The following HERC2 variants were observed in gnomAD, a reference collection of about 807,000 sequenced individuals.
HERC2 encodes HECT and RLD domain containing E3 ubiquitin protein ligase 2.
In HERC2, 102 loss-of-function variants were observed where a neutral mutation model predicts 537.7. The ratio of observed to expected loss-of-function variants is 0.19; its 90% CI spans 0.16 to 0.22. The LOEUF is 0.22. Among genes scored for constraint, HERC2 ranks in the 10% least tolerant of loss-of-function variants. The pLI is 1.00. For synonymous variants in HERC2, 2,224 were observed against 2,466.2 expected, an observed-to-expected ratio of 0.90 and a Z score of 2.91; for missense variants, 4,236 against 6,198.2, an observed-to-expected ratio of 0.68 and a Z score of 10.63.
Position 28,265,620 on chromosome 15 carries a change from T to G in HERC2, c.1868A>C (p.Asn623Thr). 6.2e-7 allele frequency: 1 copy of G among 1,613,550 alleles called. No individual in the cohort carries two copies. Among genetic ancestry groups the G allele is most frequent in the Non-Finnish European group, 8.5e-7 (1 of 1,179,630 alleles). ...AGGGTGGCGAGAGCTCTACGTACCGTTCTCAGTGACAGCCAGGGTTTGAGC... is the reference window on the plus strand; with the variant it reads ...AGGGTGGCGAGAGCTCTACGTACCGGTCTCAGTGACAGCCAGGGTTTGAGC... ...GDAQTLAVTE[N>T]GQVWSWGDGD... The change falls in exon 14 of 93, where the codon AAC becomes ACC. Residue 623 changes from asparagine to threonine, a missense_variant and splice_region_variant. By Grantham distance (65) the Asn-to-Thr change is moderately conservative. This residue lies in a region of HERC2 where 754 missense variants were observed against 1,085.0 expected (regional missense o/e 0.69). Transcript: ENST00000261609. The surrounding 1 kb of genome is among the most constrained non-coding windows in gnomAD (Gnocchi z 4.0).
At chr15:28,222,647 G>C (rs950555304) in intron 35 of HERC2, among the ~76,000 whole-genome samples, 3 of 152,168 alleles carry the variant, frequency 2.0e-5, no homozygotes, top group African/African-American at 7.2e-5. Context: ...TACAACCTCA[G>C]ACAGGGTTGC....
chr15:28,182,966 T>G (rs1895964847), intron 56 of HERC2, among the ~76,000 whole-genome samples: 1 of 152,186 alleles, frequency 6.6e-6, no homozygotes, highest in Admixed American at 6.5e-5. Context: ...GCCAATTATT[T>G]TCCCACAGAA....
chr15:28,232,408 C>T (rs1412115334), intron 30 of HERC2, among the ~76,000 whole-genome samples: 1 of 151,930 alleles, frequency 6.6e-6, no homozygotes, highest in Non-Finnish European at 1.5e-5. Flanking sequence ...GGAGTGGTGG[C>T]GGGTGCCTGT....
At chr15:28,181,267 C>T (rs191109043) in intron 57 of HERC2, among the ~76,000 whole-genome samples, 13 of 152,254 alleles carry the variant, frequency 8.5e-5, no homozygotes, top group Non-Finnish European at 1.5e-4. Context: ...GTGAAAACTC[C>T]ATGTAAGGCA....
intron 78 of HERC2, 36 bp downstream of exon 78, chr15:28,141,396 C>A: frequency 1.3e-6 from 2 of 1,597,352 alleles, no homozygotes; most frequent in Non-Finnish European, 1.7e-6. Flanking sequence ...CTGCCTCAGG[C>A]TCAATGACCT....
rs949233280 is a variant in HERC2 at position 28,112,795 on chromosome 15, C to T, written c.14232+276G>A. On this transcript the variant is annotated intron_variant, in intron 92 of 92. Coordinates refer to ENST00000261609, the MANE Select transcript of HERC2 (RefSeq NM_004667.6). The stretch of plus-strand genomic sequence containing the variant: ...ATTCGACCAGATAACTGAATGAGTG[C>T]TTTACGTGTGTTTGAAATCTAGAGC... 2.0e-5 allele frequency among the ~76,000 whole-genome samples: 3 copies of T among 152,192 alleles called. No individual in the cohort carries two copies. The East Asian group carries it at 5.8e-4, about 29-fold the overall frequency.
In HERC2 at chr15:28,182,380, G is replaced by A. The variant is rs199791213; in HGVS notation, c.8937+21C>T. On this transcript the variant is annotated intron_variant, in intron 57 of 92. Coordinates refer to ENST00000261609, the MANE Select transcript of HERC2 (RefSeq NM_004667.6). Reference sequence around the variant, plus strand: ...GCTGCCGAGTGCCCCACCCTGCTGGGTCCCAGGGAGCAGGCCGTACCTTGG... The same window carrying A: ...GCTGCCGAGTGCCCCACCCTGCTGGATCCCAGGGAGCAGGCCGTACCTTGG... 109 of 1,555,078 alleles carry A rather than the reference G, an allele frequency of 7.0e-5. 2 individuals are homozygous for A. The East Asian group carries it at 1.3e-3, about 18-fold the overall frequency.
chr15:28,231,882 T>C (rs1247426712), intron 30 of HERC2, among the ~76,000 whole-genome samples: 1 of 150,456 alleles, frequency 6.6e-6, no homozygotes, highest in South Asian at 2.1e-4. Context: ...ACACAATAAA[T>C]CTATAAACCC....
intron 2 of HERC2, among the ~76,000 whole-genome samples, chr15:28,317,877 C>T (rs1025441744): frequency 3.3e-5 from 5 of 152,202 alleles, no homozygotes; most frequent in Non-Finnish European, 7.3e-5. Flanking sequence ...AGTTTCTTTA[C>T]AACTTCCTGA....
intron 52 of HERC2, among the ~76,000 whole-genome samples, chr15:28,193,435 A>G (rs898739895): frequency 4.6e-5 from 7 of 152,216 alleles, no homozygotes; most frequent in African/African-American, 1.4e-4. Context: ...CTGAGGAACA[A>G]AAGTTTAGAA....
intron 5 of HERC2, among the ~76,000 whole-genome samples, chr15:28,279,001 T>C (rs918103495): frequency 3.9e-5 from 6 of 151,996 alleles, no homozygotes; most frequent in Admixed American, 6.6e-5. Flanking sequence ...AAAGCATCTC[T>C]TTTTTTTGCT....
chr15:28,219,848 G>A (rs949290169), intron 37 of HERC2, among the ~76,000 whole-genome samples: 12 of 152,226 alleles, frequency 7.9e-5, no homozygotes, highest in African/African-American at 2.7e-4. Context: ...TTTAGGAACA[G>A]CTAAGAAATG....
At chr15:28,182,950 T>C (rs1324889197) in intron 56 of HERC2, among the ~76,000 whole-genome samples, 2 of 152,194 alleles carry the variant, frequency 1.3e-5, no homozygotes, top group Non-Finnish European at 1.5e-5. Context: ...TCTAGACAGC[T>C]GTTTGGCCAA....
In HERC2 at chr15:28,229,228, A is replaced by G; in HGVS notation, c.5239T>C (p.Leu1747=). Residue 1747 remains leucine, a synonymous_variant, in exon 34 of 93, where the codon TTG becomes CTG. Transcript: ENST00000261609. The part of the protein sequence containing the change: ...AWAVQNIRNV[L]MDASAKFKEL... Reference sequence around the variant, plus strand: ...TTAAATTTGGCACTGGCATCCATCAAAACATTTCGAATGTTCTGTACAGCC... The same window carrying G: ...TTAAATTTGGCACTGGCATCCATCAGAACATTTCGAATGTTCTGTACAGCC... The G allele has an allele frequency of 6.2e-7, 1 of 1,613,472 alleles. No individual in the cohort carries two copies.
intron 20 of HERC2, among the ~76,000 whole-genome samples, chr15:28,252,938 T>C (rs1350019722): frequency 2.0e-5 from 3 of 152,140 alleles, no homozygotes; most frequent in African/African-American, 4.8e-5. Context: ...CCCACCATGG[T>C]CCCATGAATA....
chr15:28,177,387 T>C lies in HERC2; in HGVS notation c.9254+32A>G, dbSNP rs537429307. 5.7e-5 allele frequency: 89 copies of C among 1,570,370 alleles called. 1 individual carries two copies. In the South Asian group the frequency reaches 9.0e-4, roughly 16 times the overall value. ...AGTATCAGTCAGAAACAGTTTCTTA[T>C]TAGCAAATGAGACTAAAAAAAGTAC... On this transcript the variant is annotated intron_variant, in intron 60 of 92. Transcript: ENST00000261609. This position sits in a 1 kb window ranked among gnomAD's most constrained non-coding sequence, Gnocchi z 5.0.
chr15:28,288,587 A>G (rs1349015314), intron 4 of HERC2, among the ~76,000 whole-genome samples: 3 of 150,930 alleles, frequency 2.0e-5, no homozygotes, highest in Non-Finnish European at 4.4e-5. Flanking sequence ...CTATAATCCT[A>G]TAATCCCAGC....
At chr15:28,141,895 AAATAGATAAAT>A in intron 76 of HERC2, 49 bp from the exon 77 acceptor site, 1 of 1,307,294 alleles carries the variant, frequency 7.6e-7, no homozygotes, top group Non-Finnish European at 1.1e-6. Context: ...ATCTCAAACA[AAATAGATAAAT>A]ACTAAGGAAA....
chr15:28,166,345 A>G (rs1894135359), intron 68 of HERC2, among the ~76,000 whole-genome samples: 1 of 152,260 alleles, frequency 6.6e-6, no homozygotes, highest in Non-Finnish European at 1.5e-5. Flanking sequence ...GAGAGTAGGA[A>G]TAAGCCCTGT....
Sources: allele counts gnomAD v4.1 joint callset (sites outside exome capture counted in the v4.1 genomes callset), GRCh38; gene constraint gnomAD v4.1.1; regional missense constraint gnomAD v4.1.1; non-coding constraint Gnocchi (gnomAD v3.1); transcripts MANE v1.5; gene names NCBI Gene and HGNC (gene_info 2026-07-23, HGNC 2026-07-21).